KCTD16: variants seen among roughly 807,000 people sequenced by gnomAD.
The protein encoded by KCTD16 is BTB/POZ domain-containing protein KCTD16.
KCTD16 carries 13 observed loss-of-function variants against 33.2 expected under a neutral mutation model. That is an observed-to-expected ratio of 0.39 (90% CI 0.25 to 0.62). The LOEUF is 0.62. KCTD16 is among the 20% of genes least tolerant of loss of function. KCTD16 has a pLI of 0.50. For missense variants in KCTD16, 441 were observed against 525.1 expected (o/e 0.84, Z 1.57); for synonymous variants, 197 against 195.3 (o/e 1.01, Z -0.07).
At chr5:144,417,717 G>A (rs1753098624) in intron 3 of KCTD16, among the ~76,000 whole-genome samples, 1 of 152,054 alleles carries the variant, frequency 6.6e-6, no homozygotes, top group Admixed American at 6.6e-5. Context: ...TTTTGCAAGT[G>A]TTTTATGGTT....
chr5:144,429,337 A>G lies in KCTD16; in HGVS notation c.833-44323A>G, dbSNP rs72802405. Among the ~76,000 whole-genome samples the G allele has an allele frequency of 1.5e-3, 229 of 152,248 alleles. 1 individual carries two copies. The highest frequency in any genetic ancestry group is 5.1e-3 in the African/African-American group (214 of 41,556). ...AATAAACAAGGCAGCTGAGTTCCCT[A>G]TGGCTGCTTTTCCCTCTGTAAGTTG... On this transcript the variant is annotated intron_variant, in intron 3 of 3. Transcript: ENST00000512467.
At chr5:144,470,849 C>G (rs1282420169) in intron 3 of KCTD16, among the ~76,000 whole-genome samples, 2 of 152,172 alleles carry the variant, frequency 1.3e-5, no homozygotes, top group Admixed American at 1.3e-4. Context: ...CATGAATATA[C>G]AGAAATTTTT....
intron 2 of KCTD16, among the ~76,000 whole-genome samples, chr5:144,196,383 A>G (rs112189780): frequency 1.3e-5 from 2 of 152,176 alleles, no homozygotes; most frequent in Non-Finnish European, 2.9e-5. Flanking sequence ...TTATAGGTAT[A>G]AATGACCTCG....
chr5:144,218,504 G>A (rs934632281), intron 3 of KCTD16, among the ~76,000 whole-genome samples: 1 of 152,042 alleles, frequency 6.6e-6, no homozygotes, highest in Non-Finnish European at 1.5e-5. Context: ...TGGTAGCTGT[G>A]CAAATGATAT....
At chr5:144,299,068 A>G (rs1234987748) in intron 3 of KCTD16, among the ~76,000 whole-genome samples, 1 of 79,498 alleles carries the variant, frequency 1.3e-5, no homozygotes, top group Non-Finnish European at 2.3e-5. Context: ...ATATATATAT[A>G]TATATTTTTG....
intron 3 of KCTD16, among the ~76,000 whole-genome samples, chr5:144,251,600 C>T (rs966085200): frequency 7.9e-5 from 12 of 152,256 alleles, no homozygotes; most frequent in African/African-American, 2.6e-4. Context: ...TAAAAAGTGA[C>T]ATTTTAAACC....
intron 3 of KCTD16, among the ~76,000 whole-genome samples, chr5:144,385,824 C>T (rs1398808973): frequency 6.6e-6 from 1 of 151,994 alleles, no homozygotes; most frequent in African/African-American, 2.4e-5. Context: ...GGGGTGGTCC[C>T]TTAAAAAAAG....
intron 2 of KCTD16, among the ~76,000 whole-genome samples, chr5:144,204,348 C>A (rs895352250): frequency 6.6e-6 from 1 of 152,138 alleles, no homozygotes; most frequent in Non-Finnish European, 1.5e-5. Flanking sequence ...CCCTAAGACA[C>A]TGGTGTTTTA....
rs186332743 is a variant in KCTD16 at position 144,403,423 on chromosome 5, A to T, written c.833-70237A>T. Among the ~76,000 whole-genome samples the T allele has an allele frequency of 2.6e-5, 4 of 152,310 alleles. No homozygotes were observed. The East Asian group carries it at 5.8e-4, about 22-fold the overall frequency. On this transcript the variant is annotated intron_variant, in intron 3 of 3. Coordinates refer to ENST00000512467, the MANE Select transcript of KCTD16 (RefSeq NM_020768.4). ...TAATGCCCTGTGAAGACACATAGAC[A>T]GAAGCGACACACAGAGAGCAGCATG... is the stretch of plus-strand genomic sequence containing the variant.
chr5:144,465,779 C>CT (rs780109122), intron 3 of KCTD16, among the ~76,000 whole-genome samples: 2,398 of 129,712 alleles, frequency 0.018, 80 homozygotes, highest in African/African-American at 0.035. Flanking sequence ...CCAAATTTAA[C>CT]TTTTTTGTTT....
intron 3 of KCTD16, among the ~76,000 whole-genome samples, chr5:144,340,959 C>T (rs1253388724): frequency 1.3e-5 from 2 of 151,990 alleles, no homozygotes; most frequent in African/African-American, 2.4e-5. Flanking sequence ...GCAGGAGAAT[C>T]GCTTGAACCC....
rs1255532199 is a variant in KCTD16, at chr5:144,323,260, G to A, written c.832+115714G>A. On this transcript the variant is annotated intron_variant, in intron 3 of 3. Transcript: ENST00000512467. ...CAACTGGGGCGCTAAAAAGCCTTGA[G>A]ATATTTTTCTTTTCTATCAGCCTTT... Among the ~76,000 whole-genome samples the A allele has an allele frequency of 3.3e-5, 5 of 152,250 alleles. No homozygotes were observed. The East Asian group carries it at 7.7e-4, about 24-fold the overall frequency.
chr5:144,312,124 C>G (rs1289829785), intron 3 of KCTD16, among the ~76,000 whole-genome samples: 2 of 152,240 alleles, frequency 1.3e-5, no homozygotes, highest in East Asian at 1.9e-4. Context: ...GCAGACTGCT[C>G]TCTTAGAATA....
chr5:144,318,853 A>G (rs1443480090), intron 3 of KCTD16, among the ~76,000 whole-genome samples: 1 of 152,226 alleles, frequency 6.6e-6, no homozygotes, highest in Non-Finnish European at 1.5e-5. Context: ...TTTAATTGCT[A>G]CATATTTATT....
chr5:144,435,686 G>T (rs1753559511), intron 3 of KCTD16, among the ~76,000 whole-genome samples: 1 of 152,132 alleles, frequency 6.6e-6, no homozygotes, highest in African/African-American at 2.4e-5. Flanking sequence ...TTTCAAAGAA[G>T]TTGGGGTTAT....
In KCTD16 at chr5:144,468,196, A is replaced by G. The variant is rs187449878; in HGVS notation, c.833-5464A>G. Among the ~76,000 whole-genome samples the G allele has an allele frequency of 1.6e-4, 25 of 152,272 alleles. No individual in the cohort carries two copies. In the East Asian group the frequency reaches 2.5e-3, roughly 15 times the overall value. ...TGCCTCCTCTAAGCTTTTAGGTTCT[A>G]ATAACTGCATTTTCTTTTACTTGTC... On this transcript the variant is annotated intron_variant, in intron 3 of 3. Coordinates refer to ENST00000512467, the MANE Select transcript of KCTD16 (RefSeq NM_020768.4).
At chr5:144,405,462 C>G (rs1752790446) in intron 3 of KCTD16, among the ~76,000 whole-genome samples, 1 of 152,212 alleles carries the variant, frequency 6.6e-6, no homozygotes. Flanking sequence ...CATCTCATTC[C>G]TCTTGTTTTC....
intron 3 of KCTD16, among the ~76,000 whole-genome samples, chr5:144,258,539 G>A (rs1043664822): frequency 6.6e-6 from 1 of 152,118 alleles, no homozygotes; most frequent in Non-Finnish European, 1.5e-5. Flanking sequence ...CATAACACAA[G>A]AGATGATACA....
At chr5:144,277,011 A>G (rs1421921881) in intron 3 of KCTD16, among the ~76,000 whole-genome samples, 1 of 152,260 alleles carries the variant, frequency 6.6e-6, no homozygotes, top group South Asian at 2.1e-4. Flanking sequence ...TACACAATGT[A>G]AATGACAAGG....
Sources: allele counts gnomAD v4.1 joint callset (sites outside exome capture counted in the v4.1 genomes callset), GRCh38; gene constraint gnomAD v4.1.1; transcripts MANE v1.5; gene names NCBI Gene and HGNC (gene_info 2026-07-23, HGNC 2026-07-21).